The following CHL1 variants were observed in gnomAD, a reference collection of about 807,000 sequenced individuals.
The protein encoded by CHL1 is cell adhesion molecule L1 like.
A neutral mutation model predicts 141.9 loss-of-function variants in CHL1; 96 were observed. The ratio of observed to expected loss-of-function variants is 0.68; its 90% CI spans 0.57 to 0.80. CHL1 has a LOEUF of 0.80. Among genes scored for constraint, CHL1 ranks in the 30% least tolerant of loss-of-function variants. CHL1 has a pLI of 0.00. For missense variants in CHL1, 1,820 were observed against 1,457.2 expected (o/e 1.25, Z -4.05); for synonymous variants, 613 against 502.2 (o/e 1.22, Z -2.95).
In CHL1 at chr3:391,773, G is replaced by A. The variant is rs1575273920; in HGVS notation, c.2890G>A (p.Gly964Ser). The A allele has an allele frequency of 6.3e-7, 1 of 1,592,972 alleles. No homozygotes were observed. Among genetic ancestry groups the A allele is most frequent in the Non-Finnish European group, 8.5e-7 (1 of 1,169,712 alleles). The part of the protein sequence containing the change: ...LPKKLNGNLT[G>S]YLLQYQIIND... The stretch of plus-strand genomic sequence containing the variant: ...TAAGAAATTAAATGGAAACTTAACT[G>A]GCTATCTTTTGCAATATCAGATAAG... The change falls in exon 23 of 28, where the codon GGC becomes AGC. Residue 964 changes from glycine to serine, a missense_variant. Coordinates refer to ENST00000256509, the MANE Select transcript of CHL1 (RefSeq NM_006614.4).
intron 3 of CHL1, among the ~76,000 whole-genome samples, chr3:323,866 A>G (rs1700795488): frequency 6.6e-6 from 1 of 152,140 alleles, no homozygotes; most frequent in Non-Finnish European, 1.5e-5. Flanking sequence ...CCCTGACTCA[A>G]AGAATTAAGA....
intron 2 of CHL1, chr3:247,909 T>G (rs930839684): frequency 6.6e-6 from 1 of 152,128 alleles, no homozygotes; most frequent in African/African-American, 2.4e-5. Flanking sequence ...CCTTTTTTTT[T>G]CTTTCCCATG....
intron 1 of CHL1, among the ~76,000 whole-genome samples, chr3:216,931 G>T (rs1327995985): frequency 6.6e-6 from 1 of 152,098 alleles, no homozygotes; most frequent in Non-Finnish European, 1.5e-5. Context: ...TTTCACTAAG[G>T]CAGCATAAGA....
At chr3:346,066 C>G (rs556160999) in intron 9 of CHL1, among the ~76,000 whole-genome samples, 73 of 152,232 alleles carry the variant, frequency 4.8e-4, no homozygotes, top group African/African-American at 1.7e-3. Flanking sequence ...TTTGGGGACT[C>G]TAGTTAGTGG....
At chr3:399,668 T>G (rs1291411402) in intron 26 of CHL1, among the ~76,000 whole-genome samples, 1 of 152,016 alleles carries the variant, frequency 6.6e-6, no homozygotes, top group Non-Finnish European at 1.5e-5. Context: ...AAAAATAGGC[T>G]CTAACAAGGT....
chr3:311,484 G>A (rs758190189), intron 2 of CHL1, among the ~76,000 whole-genome samples: 22 of 151,904 alleles, frequency 1.4e-4, no homozygotes, highest in South Asian at 1.0e-3. Flanking sequence ...CCTGCAGGTC[G>A]TTTATTATCC....
chr3:399,458 G>T (rs1275683271), intron 26 of CHL1, among the ~76,000 whole-genome samples: 1 of 152,098 alleles, frequency 6.6e-6, no homozygotes, highest in Non-Finnish European at 1.5e-5. Flanking sequence ...TGGCCAACAT[G>T]ATGAAACCCC....
rs1327970515 is a variant in CHL1, at chr3:398,246, A to G, written c.3114A>G (p.Ile1038Met). 1 of 1,602,526 alleles carries G rather than the reference A, an allele frequency of 6.2e-7. No homozygotes were observed. The highest frequency in any genetic ancestry group is 1.7e-5 in the Admixed American group (1 of 59,522). Reference sequence around the variant, plus strand: ...TCTTAGGTAAAGGTATCGGGAAGATATCAGGAGTAAATCTTACTCAAAAGA... The same window carrying G: ...TCTTAGGTAAAGGTATCGGGAAGATGTCAGGAGTAAATCTTACTCAAAAGA... The part of the protein sequence containing the change: ...LGEGSKGIGK[I>M]SGVNLTQKTH... The change falls in exon 25 of 28, where the codon ATA becomes ATG. Residue 1038 changes from isoleucine to methionine, a missense_variant. Physicochemically the swap from Ile to Met is conservative, Grantham distance 10. Coordinates refer to ENST00000256509, the MANE Select transcript of CHL1 (RefSeq NM_006614.4).
At chr3:337,376 T>G (rs949228600) in intron 5 of CHL1, among the ~76,000 whole-genome samples, 4 of 151,602 alleles carry the variant, frequency 2.6e-5, no homozygotes, top group African/African-American at 7.3e-5. Flanking sequence ...TATATATTTT[T>G]TAAATTATAC....
At chr3:297,975 G>C (rs1698354549) in intron 2 of CHL1, among the ~76,000 whole-genome samples, 1 of 152,202 alleles carries the variant, frequency 6.6e-6, no homozygotes, top group African/African-American at 2.4e-5. Flanking sequence ...GTAAGGTACA[G>C]GGGTAGAGAA....
At chr3:380,396 A>G (rs1268148162) in intron 16 of CHL1, among the ~76,000 whole-genome samples, 1 of 152,242 alleles carries the variant, frequency 6.6e-6, no homozygotes, top group Non-Finnish European at 1.5e-5. Context: ...AGGCTACATT[A>G]GATAATATCT....
chr3:269,628 C>T (rs1180431021), intron 2 of CHL1, among the ~76,000 whole-genome samples: 4 of 152,150 alleles, frequency 2.6e-5, no homozygotes, highest in Admixed American at 1.3e-4. Flanking sequence ...TGGGTTCAAG[C>T]GATTCTCCTG....
intron 2 of CHL1, among the ~76,000 whole-genome samples, chr3:307,465 A>G (rs1699343889): frequency 6.6e-6 from 1 of 152,238 alleles, no homozygotes; most frequent in Admixed American, 6.5e-5. Context: ...TTCTAGCTGC[A>G]GGATTCAGCT....
At chr3:318,826 G>C (rs73009504) in intron 2 of CHL1, among the ~76,000 whole-genome samples, 6 of 151,424 alleles carry the variant, frequency 4.0e-5, no homozygotes, top group Admixed American at 1.3e-4. Flanking sequence ...TGATGTATTT[G>C]TGATCCTTAA....
rs796855760 is a variant in CHL1, at chr3:373,094, G to A, written c.1752-4724G>A. Among the ~76,000 whole-genome samples the A allele has an allele frequency of 4.6e-5, 7 of 152,216 alleles. No homozygotes were observed. The East Asian group carries it at 1.4e-3, about 29-fold the overall frequency. ...GTCTCACCCAGTTGGGTGGCACGGG[G>A]AATAGGACCCATCTAATAAAGCACT... is the stretch of plus-strand genomic sequence containing the variant. On this transcript the variant is annotated intron_variant, in intron 15 of 27. Transcript: ENST00000256509.
chr3:216,165 G>C (rs1700301590), intron 1 of CHL1, among the ~76,000 whole-genome samples: 1 of 152,158 alleles, frequency 6.6e-6, no homozygotes, highest in African/African-American at 2.4e-5. Context: ...TAATCAGATA[G>C]TATTTTAAAG....
intron 5 of CHL1, among the ~76,000 whole-genome samples, chr3:334,687 C>A (rs527660042): frequency 1.3e-5 from 2 of 152,136 alleles, no homozygotes; most frequent in Non-Finnish European, 2.9e-5. Context: ...AGTTGATGAA[C>A]ATTTGAATTA....
At chr3:291,924 C>A (rs1166627167) in intron 2 of CHL1, among the ~76,000 whole-genome samples, 1 of 152,110 alleles carries the variant, frequency 6.6e-6, no homozygotes, top group Non-Finnish European at 1.5e-5. Flanking sequence ...ATAAATATAA[C>A]CTTTGTGTGT....
At chr3:365,884 G>A in intron 14 of CHL1, 66 bp from the exon 15 acceptor site, 1 of 1,331,476 alleles carries the variant, frequency 7.5e-7, no homozygotes, top group Non-Finnish European at 1.0e-6. Flanking sequence ...TACTTAACTT[G>A]CAGGCACTTA....
Sources: allele counts gnomAD v4.1 joint callset (sites outside exome capture counted in the v4.1 genomes callset), GRCh38; gene constraint gnomAD v4.1.1; transcripts MANE v1.5; gene names NCBI Gene and HGNC (gene_info 2026-07-23, HGNC 2026-07-21).